DCTN4: variants seen among roughly 807,000 people sequenced by gnomAD.
The protein encoded by DCTN4 is dynactin 4 (p62).
DCTN4 carries 23 observed loss-of-function variants against 62.7 expected under a neutral mutation model. That is an observed-to-expected ratio of 0.37 (90% confidence interval 0.26 to 0.52). DCTN4 has a LOEUF of 0.52. Ranked by LOEUF, DCTN4 falls within the 20% of genes least tolerant of loss-of-function variation. The pLI is 0.92. For synonymous variants in DCTN4, 199 were observed against 202.1 expected (o/e 0.98, Z 0.13); for missense variants, 514 against 580.4 (o/e 0.89, Z 1.18).
intron 3 of DCTN4, among the ~76,000 whole-genome samples, chr5:150,746,225 T>C (rs1209484401): frequency 6.6e-6 from 1 of 152,164 alleles, no homozygotes; most frequent in East Asian, 1.9e-4. Flanking sequence ...ATATATACTC[T>C]CCCAAGACTA....
At chr5:150,756,379 G>C in intron 2 of DCTN4, 38 bp downstream of exon 2, 1 of 1,457,840 alleles carries the variant, frequency 6.9e-7, no homozygotes, top group South Asian at 1.3e-5. Flanking sequence ...AACAGTCAAG[G>C]AAAATAGGAA....
intron 9 of DCTN4, among the ~76,000 whole-genome samples, chr5:150,721,020 C>T (rs1759939178): frequency 6.6e-6 from 1 of 152,108 alleles, no homozygotes; most frequent in Admixed American, 6.5e-5. Context: ...TGGTGAGTTA[C>T]AAGGCATTTG....
intron 8 of DCTN4, among the ~76,000 whole-genome samples, chr5:150,730,068 T>A (rs1185996072): frequency 1.3e-5 from 2 of 152,226 alleles, no homozygotes; most frequent in Admixed American, 1.3e-4. Flanking sequence ...AGCTGCACTA[T>A]CACATTTCAT....
At chr5:150,751,624 T>A (rs550003655) in intron 3 of DCTN4, among the ~76,000 whole-genome samples, 16 of 152,280 alleles carry the variant, frequency 1.1e-4, no homozygotes, top group Admixed American at 5.2e-4. Context: ...CATATACACA[T>A]AAATACTTAC....
intron 4 of DCTN4, among the ~76,000 whole-genome samples, chr5:150,734,948 G>A (rs1760521403): frequency 6.6e-6 from 1 of 152,150 alleles, no homozygotes; most frequent in Non-Finnish European, 1.5e-5. Context: ...ATTGGCCTGA[G>A]AACCACACAA....
In DCTN4 at chr5:150,744,191, T is replaced by C. The variant is rs536904430; in HGVS notation, c.386-2034A>G. Reference sequence around the variant, plus strand: ...GATCAACTGGAAGAAAGGGTATCAGTGACGGAAGATGAAATGAATGAAATG... The same window carrying C: ...GATCAACTGGAAGAAAGGGTATCAGCGACGGAAGATGAAATGAATGAAATG... On this transcript the variant is annotated intron_variant, in intron 3 of 12. Transcript: ENST00000447998. 2.0e-3 allele frequency among the ~76,000 whole-genome samples: 303 copies of C among 152,154 alleles called. 7 individuals are homozygous for C. The highest frequency in any genetic ancestry group is 0.016 in the Admixed American group (242 of 15,272).
intron 12 of DCTN4, among the ~76,000 whole-genome samples, chr5:150,712,425 C>T (rs768459229): frequency 4.6e-5 from 7 of 151,084 alleles, no homozygotes; most frequent in East Asian, 2.0e-4. Context: ...CCAATGCACC[C>T]GGCCTTATTT....
chr5:150,736,834 C>G (rs1020592300), intron 4 of DCTN4, among the ~76,000 whole-genome samples: 2 of 152,074 alleles, frequency 1.3e-5, no homozygotes, highest in Admixed American at 1.3e-4. Flanking sequence ...GAATGGATAA[C>G]AATTTACCAA....
At chr5:150,732,185 C>T (rs186039002) in intron 5 of DCTN4, among the ~76,000 whole-genome samples, 27 of 152,178 alleles carry the variant, frequency 1.8e-4, no homozygotes, top group African/African-American at 6.5e-4. Flanking sequence ...AGTCTCACTC[C>T]GTCACCCAGG....
At chr5:150,749,589 G>A (rs1003579137) in intron 3 of DCTN4, among the ~76,000 whole-genome samples, 6 of 152,022 alleles carry the variant, frequency 3.9e-5, no homozygotes, top group South Asian at 4.1e-4. Context: ...GCTGAGGCAG[G>A]AGAACTGCTA....
rs574158679 is a variant in DCTN4 at position 150,722,572 on chromosome 5, T to C, written c.908+335A>G. Among the ~76,000 whole-genome samples the C allele has an allele frequency of 2.6e-5, 4 of 152,328 alleles. No homozygotes were observed. The South Asian group carries it at 6.2e-4, about 24-fold the overall frequency. On this transcript the variant is annotated intron_variant, in intron 9 of 12. Coordinates refer to ENST00000447998, the MANE Select transcript of DCTN4 (RefSeq NM_016221.4). ...CTCTTCAATCAGCTATACTTCATTA[T>C]TTTTAAATTTTTTTTGAAGGATTAT...
Position 150,711,262 on chromosome 5 carries a change from C to T in DCTN4, c.1270G>A (p.Asp424Asn). The T allele has an allele frequency of 6.2e-7, 1 of 1,613,408 alleles. No homozygotes were observed. The highest frequency in any genetic ancestry group is 8.5e-7 in the Non-Finnish European group (1 of 1,180,034). Residue 424 changes from aspartate to asparagine, a missense_variant, in exon 13 of 13, where the codon GAT (aspartate) becomes AAT (asparagine). Asp to Asn is a conservative substitution (Grantham distance 23). Transcript: ENST00000447998. ...EVTVCFKMKH[D>N]FKNLAAPIRP... ...ATGGGGGCTGCCAGGTTTTTAAAAT[C>T]ATGCTTCATCTTGAAGCACACGGTC...
At chr5:150,731,654 A>G (rs1279895578) in intron 5 of DCTN4, 165 bp from the exon 6 acceptor site, 2 of 643,446 alleles carry the variant, frequency 3.1e-6, no homozygotes, top group African/African-American at 3.7e-5. Flanking sequence ...GCCCCACATC[A>G]TTATTCTATT....
At chr5:150,753,687 C>G in intron 2 of DCTN4, 30 bp from the exon 3 acceptor site, 2 of 1,589,190 alleles carry the variant, frequency 1.3e-6, no homozygotes, top group Middle Eastern at 3.3e-4. Context: ...ACCATTCATT[C>G]AACAAATATT....
At chr5:150,724,040 T>C (rs1413570019) in intron 8 of DCTN4, among the ~76,000 whole-genome samples, 2 of 152,220 alleles carry the variant, frequency 1.3e-5, no homozygotes, top group African/African-American at 4.8e-5. Flanking sequence ...ATTTCCTAAG[T>C]GTCTAAGTAT....
intron 2 of DCTN4, 25 bp downstream of exon 2, chr5:150,756,392 A>G (rs1331010193): frequency 6.5e-7 from 1 of 1,534,858 alleles, no homozygotes; most frequent in Non-Finnish European, 8.8e-7. Flanking sequence ...AATAGGAAGA[A>G]AAAAAAAATC....
chr5:150,752,895 C>T (rs1427663229), intron 3 of DCTN4, among the ~76,000 whole-genome samples: 1 of 150,240 alleles, frequency 6.7e-6, no homozygotes, highest in African/African-American at 2.4e-5. Context: ...GAGACAGAGT[C>T]TTGCTCTGTC....
intron 3 of DCTN4, among the ~76,000 whole-genome samples, chr5:150,745,618 G>C (rs940266666): frequency 6.6e-6 from 1 of 152,014 alleles, no homozygotes; most frequent in African/African-American, 2.4e-5. Context: ...AATCAAACTA[G>C]AACTCAGGAT....
chr5:150,731,980 T>C (rs1488900178), intron 5 of DCTN4: 21 of 1,323,450 alleles, frequency 1.6e-5, no homozygotes, highest in Non-Finnish European at 1.9e-5. Flanking sequence ...CAAACGCATA[T>C]AGCAGGCAGG....
Sources: allele counts gnomAD v4.1 joint callset (sites outside exome capture counted in the v4.1 genomes callset), GRCh38; gene constraint gnomAD v4.1.1; transcripts MANE v1.5; gene names NCBI Gene and HGNC (gene_info 2026-07-23, HGNC 2026-07-21).